CPAMD8: variants seen among roughly 807,000 people sequenced by gnomAD.
CPAMD8 encodes C3 and PZP like alpha-2-macroglobulin domain containing 8, also known as C3 and PZP-like alpha-2-macroglobulin domain-containing protein 8.
CPAMD8 carries 146 observed loss-of-function variants against 224.7 expected under a neutral mutation model. The ratio of observed to expected loss-of-function variants is 0.65; its 90% confidence interval spans 0.57 to 0.75. CPAMD8 has a LOEUF of 0.75. Ranked by LOEUF, CPAMD8 falls within the 30% of genes least tolerant of loss-of-function variation. The pLI is 0.00. For synonymous variants in CPAMD8, 966 were observed against 1,044.6 expected (o/e 0.92, Z 1.45); for missense variants, 2,301 against 2,537.5 (o/e 0.91, Z 2.00).
At chr19:16,984,787 A>T (rs1168796477) in intron 13 of CPAMD8, among the ~76,000 whole-genome samples, 1 of 152,146 alleles carries the variant, frequency 6.6e-6, no homozygotes, top group Non-Finnish European at 1.5e-5. Context: ...GGCAGAGAGG[A>T]TCACTTGAGG....
chr19:17,010,397 A>T (rs909469617), intron 5 of CPAMD8, among the ~76,000 whole-genome samples: 2 of 152,008 alleles, frequency 1.3e-5, no homozygotes, highest in South Asian at 2.1e-4. Context: ...ACCATGCTCA[A>T]CTAATTTTTA....
At chr19:16,972,252 C>T (rs958559891) in intron 17 of CPAMD8, among the ~76,000 whole-genome samples, 4 of 152,086 alleles carry the variant, frequency 2.6e-5, no homozygotes, top group African/African-American at 9.7e-5. Context: ...CAGCCTCAAA[C>T]TCCCAGGCTC....
chr19:16,918,579 T>C (rs1429323885), intron 27 of CPAMD8, among the ~76,000 whole-genome samples: 2 of 151,788 alleles, frequency 1.3e-5, no homozygotes, highest in African/African-American at 4.8e-5. Context: ...TCCCCAGTAG[T>C]TGGGACTAAG....
chr19:17,009,697 C>A (rs1336503022), intron 5 of CPAMD8, among the ~76,000 whole-genome samples: 4 of 151,908 alleles, frequency 2.6e-5, no homozygotes, highest in Non-Finnish European at 5.9e-5. Flanking sequence ...TGGCATGAAC[C>A]CAGGAGGCAG....
intron 3 of CPAMD8, among the ~76,000 whole-genome samples, chr19:17,015,608 C>A (rs1011627124): frequency 1.3e-5 from 2 of 152,170 alleles, no homozygotes; most frequent in African/African-American, 4.8e-5. Flanking sequence ...CTTCTGACTG[C>A]AGTTTCCCCG....
In CPAMD8 at chr19:16,993,538, G is replaced by A. The variant is rs1455162710; in HGVS notation, c.1144C>T (p.Gln382Ter). The A allele has an allele frequency of 1.2e-6, 2 of 1,614,168 alleles. No individual in the cohort carries two copies. Among genetic ancestry groups the A allele is most frequent in the African/African-American group, 1.3e-5 (1 of 75,052 alleles). ...DGSPAEGVTV[Q>*]IKAELTPKDN... ...TTTGGTGTCAGCTCTGCCTTAATCT[G>A]GACCGTCACCCCCTCAGCTGGGCTG... The change falls in exon 12 of 42, where the codon CAG becomes TAG. Residue 382 changes from glutamine (Q) to a stop codon, truncating the protein, a stop_gained. Coordinates refer to ENST00000443236, the MANE Select transcript of CPAMD8 (RefSeq NM_015692.5). LOFTEE classifies it high-confidence loss of function.
chr19:16,915,449 C>A (rs935415612), intron 27 of CPAMD8, among the ~76,000 whole-genome samples: 1 of 152,150 alleles, frequency 6.6e-6, no homozygotes, highest in African/African-American at 2.4e-5. Flanking sequence ...ATTAGCCAAC[C>A]ATAGCACCTC....
At chr19:16,921,728 C>G (rs939268197) in intron 27 of CPAMD8, among the ~76,000 whole-genome samples, 177 bp downstream of exon 27, 1 of 152,192 alleles carries the variant, frequency 6.6e-6, no homozygotes, top group Non-Finnish European at 1.5e-5. Flanking sequence ...TCTGCACTGG[C>G]CCCAAGCCCC....
Position 16,951,987 on chromosome 19 carries a change from G to A in CPAMD8, c.2490C>T (p.Tyr830=). 1 of 1,574,084 alleles carries A rather than the reference G, an allele frequency of 6.4e-7. No individual in the cohort carries two copies. Among genetic ancestry groups the A allele is most frequent in the Non-Finnish European group, 8.6e-7 (1 of 1,158,020 alleles). ...QVKIPLSVYN[Y]MGTCAEVYMK... is the part of the protein sequence containing the mutation. ...TGAGTACCTCAGCGCAGGTGCCCAT[G>A]TAGTTGTAGACACTGAGCGGGATCT... The change falls in exon 20 of 42, where the codon TAC becomes TAT. Residue 830 remains tyrosine, a synonymous_variant. Coordinates refer to ENST00000443236, the MANE Select transcript of CPAMD8 (RefSeq NM_015692.5).
At chr19:16,989,892 G>C (rs1385733736) in intron 12 of CPAMD8, 121 bp from the exon 13 acceptor site, 33 of 921,784 alleles carry the variant, frequency 3.6e-5, no homozygotes, top group Non-Finnish European at 5.3e-5. Flanking sequence ...ATCCCTTTGG[G>C]GAACCCCCTC....
chr19:16,924,091 G>A (rs2053270895), intron 26 of CPAMD8, among the ~76,000 whole-genome samples: 1 of 152,186 alleles, frequency 6.6e-6, no homozygotes. Context: ...AGAGAGGCCT[G>A]GGACAGTCTC....
At chr19:16,958,987 C>T (rs751938416) in intron 18 of CPAMD8, among the ~76,000 whole-genome samples, 32 of 151,550 alleles carry the variant, frequency 2.1e-4, no homozygotes, top group Non-Finnish European at 3.5e-4. Flanking sequence ...TTAGTAGAGA[C>T]GCAGTTTCAC....
At chr19:16,948,877 G>C (rs2054199826) in intron 20 of CPAMD8, among the ~76,000 whole-genome samples, 2 of 54,796 alleles carry the variant, frequency 3.6e-5, no homozygotes, top group Non-Finnish European at 6.2e-5. Context: ...GAAAGGGAAG[G>C]GAAGGGAAGG....
chr19:16,979,386 T>TCCATC (rs1599836075), intron 14 of CPAMD8, among the ~76,000 whole-genome samples: 3 of 133,574 alleles, frequency 2.2e-5, no homozygotes, highest in East Asian at 2.4e-4. Context: ...ATCTGTCCAT[T>TCCATC]CATCCATCCA....
intron 11 of CPAMD8, among the ~76,000 whole-genome samples, chr19:16,994,689 A>T (rs201726580): frequency 3.7e-4 from 2 of 5,448 alleles, no homozygotes; most frequent in East Asian, 1.9e-3. Context: ...GGCTAATTTT[A>T]AAAAAAAATC....
chr19:16,979,290 C>A (rs1435376023), intron 14 of CPAMD8, among the ~76,000 whole-genome samples: 2 of 129,614 alleles, frequency 1.5e-5, no homozygotes, highest in Non-Finnish European at 3.3e-5. Flanking sequence ...ATCCATCCTT[C>A]TGTACCTCCA....
chr19:16,948,646 A>G (rs1300298994), intron 20 of CPAMD8, among the ~76,000 whole-genome samples: 9 of 151,650 alleles, frequency 5.9e-5, no homozygotes. Flanking sequence ...GAGGCAGAGG[A>G]ATCCTTGAAC....
At chr19:17,000,626 A>G (rs2056280794) in intron 9 of CPAMD8, 104 bp from the exon 10 acceptor site, 1 of 642,248 alleles carries the variant, frequency 1.6e-6, no homozygotes. Flanking sequence ...TAGTACAGTG[A>G]TGGATGCAGC....
rs764189329 is a variant in CPAMD8, at chr19:16,975,154, G to A, written c.2013C>T (p.Arg671=). The stretch of plus-strand genomic sequence containing the variant: ...CCCAAGGCCACGGGAAGACAGAGGA[G>A]CGCCGGCGTCGTTGTGCCGTCAGCC... ...WAGLTAQRRR[R]SSVFPWPWGI... is the part of the protein sequence containing the mutation. Residue 671 remains arginine (R), a synonymous_variant, in exon 17 of 42, where the codon CGC becomes CGT. Transcript: ENST00000443236. The A allele has an allele frequency of 1.2e-6, 2 of 1,612,920 alleles. No individual in the cohort carries two copies. The highest frequency in any genetic ancestry group is 1.7e-6 in the Non-Finnish European group (2 of 1,179,618).
Sources: gnomAD v4.1 joint callset for allele counts (sites outside exome capture counted in the v4.1 genomes callset) on GRCh38, gnomAD v4.1.1 for gene constraint, MANE v1.5 for transcripts, NCBI Gene and HGNC (gene_info 2026-07-23, HGNC 2026-07-21) for gene names.